The following COL25A1 variants were observed in gnomAD, a reference collection of about 807,000 sequenced individuals.
The protein encoded by COL25A1 is collagen type XXV alpha 1 chain, also known as collagen alpha-1(XXV) chain.
A neutral mutation model predicts 128.4 loss-of-function variants in COL25A1; 103 were observed. That is an observed-to-expected ratio of 0.80 (90% CI 0.68 to 0.94). The LOEUF (loss-of-function observed/expected upper bound fraction) is 0.94. COL25A1 is among the 40% of genes least tolerant of loss of function. The pLI is 0.00. For synonymous variants in COL25A1, 279 were observed against 277.2 expected (o/e 1.01, Z -0.06); for missense variants, 745 against 840.0 (o/e 0.89, Z 1.40).
At chr4:109,167,212 T>C (rs891147610) in intron 3 of COL25A1, among the ~76,000 whole-genome samples, 14 of 152,116 alleles carry the variant, frequency 9.2e-5, no homozygotes, top group Admixed American at 3.3e-4. Flanking sequence ...GAACCAGAAG[T>C]ACATTTTATA....
intron 6 of COL25A1, among the ~76,000 whole-genome samples, chr4:109,002,539 G>C (rs1755549124): frequency 6.6e-6 from 1 of 152,152 alleles, no homozygotes; most frequent in Admixed American, 6.5e-5. Context: ...ACAAAGGCTG[G>C]AGGGTGGCAG....
chr4:109,298,688 T>C (rs1725229954), intron 3 of COL25A1, among the ~76,000 whole-genome samples: 1 of 152,246 alleles, frequency 6.6e-6, no homozygotes, highest in Non-Finnish European at 1.5e-5. Flanking sequence ...TTTGATGATG[T>C]CTGATTATTC....
At chr4:108,880,860 T>C (rs567748415) in intron 19 of COL25A1, among the ~76,000 whole-genome samples, 15 of 152,286 alleles carry the variant, frequency 9.8e-5, no homozygotes, top group African/African-American at 3.4e-4. Context: ...GAGCAAAGCC[T>C]AAGAAAATAG....
intron 3 of COL25A1, among the ~76,000 whole-genome samples, chr4:109,099,552 A>C (rs1307336171): frequency 6.6e-6 from 1 of 152,020 alleles, no homozygotes; most frequent in African/African-American, 2.4e-5. Context: ...GAACTTGTAG[A>C]ACCAATAATT....
chr4:109,257,904 G>A (rs1449603911), intron 3 of COL25A1, among the ~76,000 whole-genome samples: 1 of 152,192 alleles, frequency 6.6e-6, no homozygotes, highest in Admixed American at 6.5e-5. Context: ...CATGGAGAAG[G>A]AAAGAGAATT....
intron 3 of COL25A1, among the ~76,000 whole-genome samples, chr4:109,215,182 G>A (rs1268044711): frequency 1.3e-5 from 2 of 152,088 alleles, no homozygotes; most frequent in Admixed American, 6.6e-5. Context: ...TAACAAGTTA[G>A]GTCATTTTTT....
intron 8 of COL25A1, among the ~76,000 whole-genome samples, chr4:108,960,068 T>C (rs1750510856): frequency 6.6e-6 from 1 of 152,144 alleles, no homozygotes; most frequent in Non-Finnish European, 1.5e-5. Flanking sequence ...TTCATAATGT[T>C]GTATTCTAGA....
chr4:108,905,862 C>T (rs1161343941), intron 13 of COL25A1, among the ~76,000 whole-genome samples: 11 of 107,378 alleles, frequency 1.0e-4, no homozygotes, highest in East Asian at 4.5e-4. Context: ...GGGGGGGGTG[C>T]GGGGGGAGGC....
chr4:108,870,083 G>A (rs1474113948), intron 19 of COL25A1, among the ~76,000 whole-genome samples: 1 of 151,924 alleles, frequency 6.6e-6, no homozygotes, highest in East Asian at 1.9e-4. Flanking sequence ...GGAGACCCCC[G>A]TTCTGTACAA....
intron 5 of COL25A1, among the ~76,000 whole-genome samples, chr4:109,017,184 G>A (rs1407645522): frequency 6.6e-6 from 1 of 152,218 alleles, no homozygotes; most frequent in African/African-American, 2.4e-5. Flanking sequence ...TTTGCACAGA[G>A]CCGGCATCTG....
chr4:109,153,549 C>G (rs747540633), intron 3 of COL25A1, among the ~76,000 whole-genome samples: 1 of 152,112 alleles, frequency 6.6e-6, no homozygotes, highest in East Asian at 1.9e-4. Context: ...CAAAGAAGAG[C>G]CACATATTTT....
intron 3 of COL25A1, among the ~76,000 whole-genome samples, chr4:109,068,931 G>T (rs1762688390): frequency 6.6e-6 from 1 of 151,996 alleles, no homozygotes; most frequent in Non-Finnish European, 1.5e-5. Flanking sequence ...TACATACTGA[G>T]ATTAGTCCTA....
At chr4:109,048,274 T>A in intron 4 of COL25A1, 99 bp from the exon 5 acceptor site, 1 of 1,186,034 alleles carries the variant, frequency 8.4e-7, no homozygotes, top group South Asian at 1.3e-5. Context: ...ATCATCAGCA[T>A]GACATAATAG....
intron 3 of COL25A1, among the ~76,000 whole-genome samples, chr4:109,121,369 A>G (rs1251636380): frequency 6.6e-6 from 1 of 152,124 alleles, no homozygotes; most frequent in African/African-American, 2.4e-5. Context: ...AATATTTGCA[A>G]GAAGCATCTG....
intron 5 of COL25A1, among the ~76,000 whole-genome samples, chr4:109,019,596 C>A (rs967682250): frequency 2.0e-5 from 3 of 151,662 alleles, no homozygotes; most frequent in African/African-American, 7.3e-5. Context: ...CAGGGAAAAC[C>A]GCCTTATAAA....
At chr4:109,146,999 A>C (rs1771004563) in intron 3 of COL25A1, among the ~76,000 whole-genome samples, 1 of 149,500 alleles carries the variant, frequency 6.7e-6, no homozygotes, top group African/African-American at 2.6e-5. Flanking sequence ...TGTAAAACCC[A>C]AAAAAAACAA....
Position 108,937,819 on chromosome 4 carries a change from G to A in COL25A1, c.697C>T (p.Gln233Ter). The change falls in exon 11 of 38, where the codon CAA (glutamine) becomes TAA (stop). Residue 233 changes from glutamine (Q) to a stop codon, truncating the protein, a stop_gained. Transcript: ENST00000399132. LOFTEE classifies it high-confidence loss of function. ...ACTGAGATACTTGCCATCAAGCCTT[G>A]TTCTCCTGGCTTTCCTGGTTCACCC... is the stretch of plus-strand genomic sequence containing the variant. ...VPGEPGKPGE[Q>*]GLMGPLGPPG... is the part of the protein sequence containing the mutation. 6.2e-7 allele frequency: 1 copy of A among 1,607,470 alleles called. No homozygotes were observed. Among genetic ancestry groups the A allele is most frequent in the South Asian group, 1.1e-5 (1 of 89,558 alleles).
intron 3 of COL25A1, among the ~76,000 whole-genome samples, chr4:109,167,825 A>G (rs550496465): frequency 1.3e-5 from 2 of 152,246 alleles, no homozygotes; most frequent in South Asian, 4.1e-4. Context: ...GGGGACAAAT[A>G]ACAGAAGACA....
chr4:108,837,938 T>A (rs1409725402), intron 31 of COL25A1, among the ~76,000 whole-genome samples: 1 of 152,190 alleles, frequency 6.6e-6, no homozygotes, highest in African/African-American at 2.4e-5. Context: ...AGAGAAGACA[T>A]CAGAGAAAAC....
Sources: allele counts gnomAD v4.1 joint callset (sites outside exome capture counted in the v4.1 genomes callset), GRCh38; gene constraint gnomAD v4.1.1; transcripts MANE v1.5; gene names NCBI Gene and HGNC (gene_info 2026-07-23, HGNC 2026-07-21).